The following DDX23 variants were observed in gnomAD, a reference collection of about 807,000 sequenced individuals.
The protein encoded by DDX23 is DEAD-box helicase 23, also known as probable ATP-dependent RNA helicase DDX23.
A neutral mutation model predicts 102.7 loss-of-function variants in DDX23; 33 were observed. That is an observed-to-expected ratio of 0.32 (90% CI 0.24 to 0.43). DDX23 has a LOEUF of 0.43. DDX23 is among the 20% of genes least tolerant of loss of function. The probability of loss-of-function intolerance (pLI) is 1.00; values close to 1 mark genes in which losing one functional copy is unlikely to be tolerated. For synonymous variants in DDX23, 352 were observed against 376.0 expected, an observed-to-expected ratio of 0.94 and a Z score of 0.74; for missense variants, 549 against 1,086.6, an observed-to-expected ratio of 0.51 and a Z score of 6.96.
intron 3 of DDX23, among the ~76,000 whole-genome samples, chr12:48,843,433 C>G (rs1938604999): frequency 6.6e-6 from 1 of 151,710 alleles, no homozygotes; most frequent in African/African-American, 2.4e-5. Flanking sequence ...CCACTGCACT[C>G]CAGCCTGGGC....
At position 48,830,515 on chromosome 12, in the gene DDX23, C is replaced by T; in HGVS notation, c.2417G>A (p.Gly806Asp). Residue 806 changes from glycine (G) to aspartate (D), a missense_variant, in exon 17 of 17, where the codon GGC becomes GAC. Physicochemically the swap from Gly to Asp is moderately conservative, Grantham distance 94. Around this residue, in one of 4 missense-constraint regions of DDX23, gnomAD observed 38 missense variants for 94.5 expected, o/e 0.40. Transcript: ENST00000308025. This position sits in a 1 kb window ranked among gnomAD's most constrained non-coding sequence, Gnocchi z 4.9. The stretch of plus-strand genomic sequence containing the variant: ...CCGGCGCTTCTTGGTGAGGATGGTG[C>T]CTGGCTTATGCTGGGCATCTGGGTG... ...ANHPDAQHKP[G>D]TILTKKRREE... 6.2e-7 allele frequency: 1 copy of T among 1,613,730 alleles called. No homozygotes were observed. The highest frequency in any genetic ancestry group is 8.5e-7 in the Non-Finnish European group (1 of 1,180,012).
At chr12:48,834,798 G>C (rs7967950) in intron 11 of DDX23, 358 of 241,378 alleles carry the variant, frequency 1.5e-3, no homozygotes, top group African/African-American at 7.5e-3. Context: ...GCCAGGCGTG[G>C]TGGCCGGCGC....
intron 2 of DDX23, among the ~76,000 whole-genome samples, chr12:48,844,603 C>T (rs373340882): frequency 1.3e-5 from 2 of 149,952 alleles, no homozygotes; most frequent in Non-Finnish European, 3.0e-5. Context: ...CTTGATAACC[C>T]GGACCTTCAC....
intron 5 of DDX23, 114 bp downstream of exon 5, chr12:48,839,730 G>C (rs548618670): frequency 9.2e-7 from 1 of 1,087,088 alleles, no homozygotes; most frequent in African/African-American, 1.6e-5. Flanking sequence ...TCCGCTCTCA[G>C]ACTTCCAGCC....
Position 48,836,343 on chromosome 12 carries a change from C to T in DDX23, c.1237-77G>A. ...GGGCAACCACTGATAGTAGTAAGCA[C>T]ATCTGCTAGCACAATGGAAGGATGC... On this transcript the variant is annotated intron_variant, in intron 10 of 16. Coordinates refer to ENST00000308025, the MANE Select transcript of DDX23 (RefSeq NM_004818.3). This position sits in a 1 kb window ranked among gnomAD's most constrained non-coding sequence, Gnocchi z 6.1. The T allele has an allele frequency of 1.3e-6, 2 of 1,515,644 alleles. No individual in the cohort carries two copies. The highest frequency in any genetic ancestry group is 1.8e-6 in the Non-Finnish European group (2 of 1,096,606). 93.9% of individuals were successfully genotyped at this position (1,515,644 alleles called of 1,614,324 possible).
intron 3 of DDX23, 108 bp from the exon 4 acceptor site, chr12:48,840,214 C>T: frequency 4.6e-6 from 4 of 862,534 alleles, no homozygotes; most frequent in South Asian, 1.3e-5. Flanking sequence ...CTCAACAAGA[C>T]TGGCCCATGG....
chr12:48,832,748 G>A lies in DDX23; in HGVS notation c.1804-175C>T. On this transcript the variant is annotated intron_variant, in intron 13 of 16. Transcript: ENST00000308025. This position sits in a 1 kb window ranked among gnomAD's most constrained non-coding sequence, Gnocchi z 4.4. Reference sequence around the variant, plus strand: ...GAATTCCCATCCTTCCTGAGTACCTGCTCATCAAGGCACTTTCCATCTTAT... The same window carrying A: ...GAATTCCCATCCTTCCTGAGTACCTACTCATCAAGGCACTTTCCATCTTAT... 1 of 741,192 alleles carries A rather than the reference G, an allele frequency of 1.3e-6. No individual in the cohort carries two copies. The highest frequency in any genetic ancestry group is 2.1e-6 in the Non-Finnish European group (1 of 474,162). 45.9% of individuals were successfully genotyped at this position (741,192 alleles called of 1,614,324 possible).
At chr12:48,837,081 C>A (rs545675284) in intron 8 of DDX23, 44 bp from the exon 9 acceptor site, 2 of 1,611,248 alleles carry the variant, frequency 1.2e-6, no homozygotes, top group Middle Eastern at 1.7e-4. Context: ...GAGCTGTTAA[C>A]GGCAGTAGGA....
intron 5 of DDX23, among the ~76,000 whole-genome samples, chr12:48,839,085 G>A (rs1228608589): frequency 1.3e-5 from 2 of 151,982 alleles, no homozygotes; most frequent in African/African-American, 4.8e-5. Context: ...ATGTTGCCTA[G>A]GCTGGTCTAA....
At position 48,829,933 on chromosome 12, in the gene DDX23, G is replaced by C. The variant is rs1388441505; in HGVS notation, c.*536C>G. 6.0e-6 allele frequency: 2 copies of C among 331,662 alleles called. No individual in the cohort carries two copies. Among genetic ancestry groups the C allele is most frequent in the South Asian group, 4.9e-5 (2 of 41,038 alleles). The allele number at this position is 331,662 out of a possible 1,614,324, so 20.5% of individuals were successfully genotyped here. A position where few individuals can be genotyped will look rare whatever the true frequency, so the allele number is the denominator to read the frequency against. ...TGCCTAGAGCATACAGCACCCCTTG[G>C]TGCGGGGCTGTGCACAGGTCTAAAG... On this transcript the variant is annotated 3_prime_UTR_variant, in exon 17 of 17. Coordinates refer to ENST00000308025, the MANE Select transcript of DDX23 (RefSeq NM_004818.3).
chr12:48,847,295 T>C (rs1000050240), intron 1 of DDX23: 7 of 152,236 alleles, frequency 4.6e-5, no homozygotes, highest in African/African-American at 1.4e-4. Context: ...AGCGGGCAGA[T>C]CATGAGGTCA....
rs1938402323 is a variant in DDX23 at position 48,832,333 on chromosome 12, C to T, written c.1955+89G>A. On this transcript the variant is annotated intron_variant, in intron 14 of 16. Coordinates refer to ENST00000308025, the MANE Select transcript of DDX23 (RefSeq NM_004818.3). This position sits in a 1 kb window ranked among gnomAD's most constrained non-coding sequence, Gnocchi z 4.4. ...ACAGCAGCTCTTCAACACAGCAGAGCAATTGCCCTGCCCTGCACCTGCACT... is the reference window on the plus strand; with the variant it reads ...ACAGCAGCTCTTCAACACAGCAGAGTAATTGCCCTGCCCTGCACCTGCACT... 6.4e-7 allele frequency: 1 copy of T among 1,569,090 alleles called. No homozygotes were observed.
At chr12:48,849,877 G>A (rs1329314590) in intron 1 of DDX23, among the ~76,000 whole-genome samples, 1 of 152,228 alleles carries the variant, frequency 6.6e-6, no homozygotes, top group Non-Finnish European at 1.5e-5. Context: ...TGCCTGGGGA[G>A]GATCACCTGA....
chr12:48,843,868 A>G, intron 3 of DDX23, 72 bp downstream of exon 3: 1 of 1,528,964 alleles, frequency 6.5e-7, no homozygotes, highest in South Asian at 1.1e-5. Context: ...TTTCATAAGA[A>G]GCTGAGCAAA....
At chr12:48,838,145 G>A (rs772879169) in intron 5 of DDX23, 65 bp from the exon 6 acceptor site, 47 of 1,598,666 alleles carry the variant, frequency 2.9e-5, no homozygotes, top group Middle Eastern at 3.3e-4. Flanking sequence ...ATCACTGATG[G>A]GGAGATGGCA....
intron 3 of DDX23, among the ~76,000 whole-genome samples, chr12:48,843,693 C>A (rs933984023): frequency 6.6e-6 from 1 of 151,762 alleles, no homozygotes; most frequent in Non-Finnish European, 1.5e-5. Context: ...GGACTACAGG[C>A]ACCCGCCACC....
chr12:48,842,218 G>A (rs557201335), intron 3 of DDX23, among the ~76,000 whole-genome samples: 2 of 151,384 alleles, frequency 1.3e-5, no homozygotes, highest in Non-Finnish European at 3.0e-5. Context: ...CGTCCAGGAG[G>A]GAGGTGGGGG....
At chr12:48,833,648 T>A in intron 12 of DDX23, 129 bp from the exon 13 acceptor site, 2 of 1,222,442 alleles carry the variant, frequency 1.6e-6, no homozygotes, top group East Asian at 2.3e-5. Context: ...CTGGTTATGT[T>A]TAGCAGTAAA....
intron 12 of DDX23, 22 bp from the exon 13 acceptor site, chr12:48,833,541 T>C: frequency 6.2e-7 from 1 of 1,608,320 alleles, no homozygotes; most frequent in South Asian, 1.1e-5. Flanking sequence ...AGTATAATCA[T>C]TTATAGCCCA....
Sources: gnomAD v4.1 joint callset for allele counts (sites outside exome capture counted in the v4.1 genomes callset) on GRCh38, gnomAD v4.1.1 for gene constraint, gnomAD v4.1.1 regional missense constraint, Gnocchi (gnomAD v3.1) non-coding constraint, MANE v1.5 for transcripts, NCBI Gene and HGNC (gene_info 2026-07-23, HGNC 2026-07-21) for gene names.